RGS6: variants seen among roughly 807,000 people sequenced by gnomAD.
RGS6 encodes the protein regulator of G-protein signaling 6.
RGS6 carries 30 observed loss-of-function variants against 78.5 expected under a neutral mutation model. That is an observed-to-expected ratio of 0.38 (90% CI 0.29 to 0.52). RGS6 has a LOEUF of 0.52. Among genes scored for constraint, RGS6 ranks in the 20% least tolerant of loss-of-function variants. RGS6 has a pLI of 0.85. For missense variants in RGS6, 495 were observed against 609.7 expected, an observed-to-expected ratio of 0.81 and a Z score of 1.98; for synonymous variants, 206 against 206.0, an observed-to-expected ratio of 1.00 and a Z score of 0.00.
At chr14:72,347,222 A>G (rs1319620972) in intron 2 of RGS6, among the ~76,000 whole-genome samples, 1 of 152,234 alleles carries the variant, frequency 6.6e-6, no homozygotes, top group Non-Finnish European at 1.5e-5. Flanking sequence ...GTCAGAAGTT[A>G]GAAGGAACTG....
intron 12 of RGS6, among the ~76,000 whole-genome samples, chr14:72,489,906 T>A (rs1056262553): frequency 1.3e-5 from 2 of 152,206 alleles, no homozygotes; most frequent in African/African-American, 4.8e-5. Context: ...AACTAACATA[T>A]TCCTCAACAT....
At chr14:72,277,700 G>C (rs1372336663) in intron 2 of RGS6, among the ~76,000 whole-genome samples, 1 of 152,176 alleles carries the variant, frequency 6.6e-6, no homozygotes, top group Non-Finnish European at 1.5e-5. Flanking sequence ...GGCCGAGGCA[G>C]TCAGATTGCT....
intron 4 of RGS6, among the ~76,000 whole-genome samples, chr14:72,455,188 A>T (rs1284539317): frequency 6.6e-6 from 1 of 152,196 alleles, no homozygotes; most frequent in Non-Finnish European, 1.5e-5. Context: ...AATTCAAGAT[A>T]AGTAAAGCTT....
chr14:71,876,953 A>G, the RGS6 span, among the ~76,000 whole-genome samples: 1 of 152,206 alleles, frequency 6.6e-6, no homozygotes, highest in Non-Finnish European at 1.5e-5. Context: ...TTGGCTAGAT[A>G]TGAAATTCTG....
At chr14:72,159,593 AT>A (rs1177651393) in intron 2 of RGS6, among the ~76,000 whole-genome samples, 1 of 152,184 alleles carries the variant, frequency 6.6e-6, no homozygotes, top group Non-Finnish European at 1.5e-5. Context: ...TACTGGTGGA[AT>A]TTAGTTGCCT....
intron 2 of RGS6, among the ~76,000 whole-genome samples, chr14:72,156,597 A>G (rs1440102684): frequency 6.6e-6 from 1 of 152,122 alleles, no homozygotes; most frequent in Non-Finnish European, 1.5e-5. Context: ...GATCAGGTTG[A>G]TGAGTGTCCA....
chr14:72,096,281 A>T (rs1597476887), intron 2 of RGS6, among the ~76,000 whole-genome samples: 1 of 103,890 alleles, frequency 9.6e-6, no homozygotes, highest in South Asian at 2.7e-4. Flanking sequence ...ACTCTGTCTT[A>T]AAAAAAAAAA....
At chr14:72,052,967 TTCTTTCTTTCTTTCTTTCTCTCTCTCTC>T (rs1265350236) in intron 2 of RGS6, among the ~76,000 whole-genome samples, 8 of 45,442 alleles carry the variant, frequency 1.8e-4, no homozygotes, top group African/African-American at 3.2e-4. Flanking sequence ...CTTTCTTTCT[TTCTTTCTTTCTTTCTTTCTCTCTCTCTC>T]TCTCTCTCTC....
intron 12 of RGS6, among the ~76,000 whole-genome samples, chr14:72,480,494 A>G (rs937036826): frequency 1.3e-5 from 2 of 152,206 alleles, no homozygotes; most frequent in Non-Finnish European, 1.5e-5. Flanking sequence ...AGAAGCTTTC[A>G]TGAGTCTCTG....
chr14:72,499,765 C>CA (rs1486342474), intron 13 of RGS6, among the ~76,000 whole-genome samples: 1 of 152,090 alleles, frequency 6.6e-6, no homozygotes, highest in Non-Finnish European at 1.5e-5. Context: ...TGGCTGGCTT[C>CA]ACTTCTCATT....
intron 2 of RGS6, among the ~76,000 whole-genome samples, chr14:72,123,117 C>T (rs1361904959): frequency 6.6e-6 from 1 of 152,158 alleles, no homozygotes; most frequent in Non-Finnish European, 1.5e-5. Flanking sequence ...TAGGTATGCA[C>T]CACCACACCT....
intron 14 of RGS6, among the ~76,000 whole-genome samples, chr14:72,517,568 A>G (rs556741968): frequency 1.3e-5 from 2 of 152,352 alleles, no homozygotes; most frequent in South Asian, 4.1e-4. Context: ...AAGGAGAACC[A>G]TTCTGCAGAG....
intron 7 of RGS6, 53 bp downstream of exon 7, chr14:72,465,875 T>C: frequency 1.4e-6 from 2 of 1,394,946 alleles, no homozygotes; most frequent in Non-Finnish European, 2.0e-6. Context: ...AAATCATATC[T>C]GCAGCTCCGT....
rs148730621 is a variant in RGS6, at chr14:72,497,824, G to T, written c.965+2562G>T. Among the ~76,000 whole-genome samples the T allele has an allele frequency of 7.2e-3, 1,080 of 150,622 alleles. 15 individuals carry two copies. Among genetic ancestry groups the T allele is most frequent in the African/African-American group, 0.023 (906 of 40,262 alleles). On this transcript the variant is annotated intron_variant, in intron 13 of 17. Coordinates refer to ENST00000553525, the MANE Select transcript of RGS6 (RefSeq NM_001204424.2). ...GAACTTAACTCTTTCTTTAACTCAGGATTTTTTTTCTCTTTTTTAAAAATT... is the reference window on the plus strand; with the variant it reads ...GAACTTAACTCTTTCTTTAACTCAGTATTTTTTTTCTCTTTTTTAAAAATT...
chr14:72,370,150 T>TA (rs11432261), intron 3 of RGS6, among the ~76,000 whole-genome samples: 63,773 of 146,746 alleles, frequency 0.43, 14,340 homozygotes, highest in African/African-American at 0.59. Context: ...CAAAATCTGG[T>TA]AAAAAAAAAA....
chr14:72,162,654 G>C (rs775908807), intron 2 of RGS6, among the ~76,000 whole-genome samples: 1 of 152,078 alleles, frequency 6.6e-6, no homozygotes, highest in Non-Finnish European at 1.5e-5. Context: ...GGTATCTACC[G>C]AGAGGAAAAG....
intron 2 of RGS6, among the ~76,000 whole-genome samples, chr14:72,104,412 A>G (rs868299629): frequency 6.6e-6 from 1 of 152,256 alleles, no homozygotes; most frequent in Admixed American, 6.5e-5. Flanking sequence ...ATGTACAAAC[A>G]TAAAGCTATG....
the RGS6 span, among the ~76,000 whole-genome samples, chr14:72,606,910 C>A: frequency 6.6e-6 from 1 of 152,214 alleles, no homozygotes; most frequent in African/African-American, 2.4e-5. Flanking sequence ...ACCTGCTCCT[C>A]CTCAATTGAA....
chr14:72,541,610 C>G (rs1047121795), intron 17 of RGS6: 1 of 1,535,486 alleles, frequency 6.5e-7, no homozygotes, highest in African/African-American at 1.4e-5. Flanking sequence ...TCCATGATGG[C>G]CTGAGAGAAG....
Sources: gnomAD v4.1 joint callset for allele counts (sites outside exome capture counted in the v4.1 genomes callset) on GRCh38, gnomAD v4.1.1 for gene constraint, MANE v1.5 for transcripts, NCBI Gene and HGNC (gene_info 2026-07-23, HGNC 2026-07-21) for gene names.